The following RET variants were observed in gnomAD, a reference collection of about 807,000 sequenced individuals.
RET encodes the protein ret proto-oncogene.
In RET, 19 loss-of-function variants were observed where a neutral mutation model predicts 118.3. That is an observed-to-expected ratio of 0.16 (90% CI 0.11 to 0.24). The LOEUF is 0.24. Among genes scored for constraint, RET ranks in the 10% least tolerant of loss-of-function variants. The pLI is 1.00. For synonymous variants in RET, 597 were observed against 644.1 expected (o/e 0.93, Z 1.11); for missense variants, 1,219 against 1,502.1 (o/e 0.81, Z 3.12).
intron 1 of RET, among the ~76,000 whole-genome samples, chr10:43,086,281 G>A (rs535767875): frequency 2.2e-4 from 34 of 152,352 alleles, no homozygotes; most frequent in African/African-American, 7.9e-4. Flanking sequence ...AGCGCCCGGA[G>A]CAGACCTGCT....
chr10:43,077,484 T>TGCGGCGG lies in RET; in HGVS notation c.73+164_73+170dup, dbSNP rs1350901005. Among the ~76,000 whole-genome samples the TGCGGCGG allele has an allele frequency of 5.1e-5, 3 of 59,062 alleles. No individual in the cohort carries two copies. The East Asian group carries it at 1.3e-3, about 25-fold the overall frequency. The allele number at this position is 59,062 out of a possible 152,430, so 38.7% of individuals were successfully genotyped here. ...CGGCCTCGGCTGGGAGCGCAGTGGC[T>TGCGGCGG]GCGGCGGGCGGCGGGCGAAGGGCAG... On this transcript the variant is annotated intron_variant, in intron 1 of 19. Coordinates refer to ENST00000355710, the MANE Select transcript of RET (RefSeq NM_020975.6).
In RET at chr10:43,102,246, G is replaced by C. The variant is rs1003198857; in HGVS notation, c.338-96G>C. ...GCCTTGTGGACCTTGGTGGGGACCA[G>C]GGTTTACACCAGCCCTGGAGCTCCT... On this transcript the variant is annotated intron_variant, in intron 2 of 19. Transcript: ENST00000355710. 3 of 1,501,846 alleles carry C rather than the reference G, an allele frequency of 2.0e-6. No homozygotes were observed. In the African/African-American group the frequency reaches 4.1e-5, roughly 21 times the overall value. The allele number at this position is 1,501,846 out of a possible 1,614,324, so 93.0% of individuals were successfully genotyped here.
intron 6 of RET, 129 bp from the exon 7 acceptor site, chr10:43,111,078 G>A (rs373927457): frequency 4.4e-5 from 58 of 1,317,190 alleles, no homozygotes; most frequent in African/African-American, 1.3e-4. Flanking sequence ...CAGGGTGCTC[G>A]GGGGGGCTGC....
chr10:43,112,213 G>A lies in RET; in HGVS notation c.1637G>A (p.Gly546Glu). 1 of 1,555,212 alleles carries A rather than the reference G, an allele frequency of 6.4e-7. No homozygotes were observed. The highest frequency in any genetic ancestry group is 8.7e-7 in the Non-Finnish European group (1 of 1,148,846). Residue 546 changes from glycine (G) to glutamate (E), a missense_variant, in exon 8 of 20, where the codon GGA becomes GAA. Coordinates refer to ENST00000355710, the MANE Select transcript of RET (RefSeq NM_020975.6). Reference sequence around the variant, plus strand: ...ACAGGCAGGTGTGAGTGGAGGCAAGGAGATGGCAAAGGTAAGCCCTGGAAA... The same window carrying A: ...ACAGGCAGGTGTGAGTGGAGGCAAGAAGATGGCAAAGGTAAGCCCTGGAAA... ...SPTGRCEWRQ[G>E]DGKGITRNFS... is the part of the protein sequence containing the mutation.
In RET at chr10:43,114,759, G is replaced by A. The variant is rs765263782; in HGVS notation, c.2136+23G>A. 3 of 1,594,930 alleles carry A rather than the reference G, an allele frequency of 1.9e-6. No individual in the cohort carries two copies. Among genetic ancestry groups the A allele is most frequent in the Admixed American group, 3.4e-5 (2 of 58,458 alleles). On this transcript the variant is annotated intron_variant, in intron 11 of 19. Coordinates refer to ENST00000355710, the MANE Select transcript of RET (RefSeq NM_020975.6). This position sits in a 1 kb window ranked among gnomAD's most constrained non-coding sequence, Gnocchi z 4.6. Reference sequence around the variant, plus strand: ...CTGGTGAGGGTCCCTGCGGGGCAGGGAAGATCCCCTGCCCTCCCCAGCTGC... The same window carrying A: ...CTGGTGAGGGTCCCTGCGGGGCAGGAAAGATCCCCTGCCCTCCCCAGCTGC...
rs764840727 is a variant in RET at position 43,128,764 on chromosome 10, G to C, written c.*495G>C. 1.1e-4 allele frequency: 33 copies of C among 290,380 alleles called. 1 individual carries two copies. Among genetic ancestry groups the C allele is most frequent in the Non-Finnish European group, 2.1e-4 (32 of 152,878 alleles). The allele number at this position is 290,380 out of a possible 1,614,324, so 18.0% of individuals were successfully genotyped here. A position where few individuals can be genotyped will look rare whatever the true frequency, so the allele number is the denominator to read the frequency against. ...CTTATTCAGAATGAGAGACTGCGGG[G>C]GGGGCCTGGGGGTAGTGTCAATGCC... On this transcript the variant is annotated 3_prime_UTR_variant, in exon 20 of 20. Transcript: ENST00000355710.
chr10:43,094,169 A>G (rs1179498341), intron 1 of RET, among the ~76,000 whole-genome samples: 1 of 151,966 alleles, frequency 6.6e-6, no homozygotes, highest in Non-Finnish European at 1.5e-5. Flanking sequence ...GGACCCCCAT[A>G]GGGACAGCTG....
chr10:43,099,112 G>A (rs1243028865), intron 1 of RET, among the ~76,000 whole-genome samples: 1 of 152,138 alleles, frequency 6.6e-6, no homozygotes, highest in Non-Finnish European at 1.5e-5. Context: ...CCCTGCTTGG[G>A]CTCACTCAGC....
chr10:43,110,635 G>A (rs1056287895), intron 6 of RET, among the ~76,000 whole-genome samples: 2 of 152,140 alleles, frequency 1.3e-5, no homozygotes, highest in African/African-American at 4.8e-5. Flanking sequence ...TTTCCCAGAG[G>A]CTCTGCTCAA....
chr10:43,107,723 G>C (rs1243162113), intron 5 of RET, among the ~76,000 whole-genome samples: 1 of 152,148 alleles, frequency 6.6e-6, no homozygotes, highest in Non-Finnish European at 1.5e-5. Flanking sequence ...GTGGTCCCCA[G>C]GTCCAAGGTG....
chr10:43,124,382 T>G (rs1838285197), intron 17 of RET, among the ~76,000 whole-genome samples: 1 of 152,048 alleles, frequency 6.6e-6, no homozygotes, highest in African/African-American at 2.4e-5. Context: ...CCCCAGCTGG[T>G]GGCCAGCTGG....
At position 43,109,121 on chromosome 10, in the gene RET, G is replaced by A. The variant is rs906695652; in HGVS notation, c.1154G>A (p.Gly385Glu). 1.2e-6 allele frequency: 2 copies of A among 1,613,820 alleles called. No individual in the cohort carries two copies. The highest frequency in any genetic ancestry group is 1.3e-5 in the African/African-American group (1 of 74,932). ...AATGACTCAGACTTCCAGGGCCCAG[G>A]AGCGGGCGTCCTCTTGCTCCACTTC... Reference protein sequence around the residue: ...LVNDSDFQGPGAGVLLLHFNV... With the variant: ...LVNDSDFQGPEAGVLLLHFNV... Residue 385 changes from glycine to glutamate, a missense_variant, in exon 6 of 20, where the codon GGA (glycine) becomes GAA (glutamate). Physicochemically the swap from Gly to Glu is moderately conservative, Grantham distance 98. Transcript: ENST00000355710.
intron 1 of RET, among the ~76,000 whole-genome samples, chr10:43,096,807 C>T (rs931269412): frequency 2.0e-5 from 3 of 152,190 alleles, no homozygotes; most frequent in African/African-American, 7.2e-5. Flanking sequence ...TTAAACCAAG[C>T]GTGAGACCTC....
rs3026748 is a variant in RET at position 43,111,773 on chromosome 10, C to G, written c.1522+308C>G. On this transcript the variant is annotated intron_variant, in intron 7 of 19. Transcript: ENST00000355710. ...CCATCCATGCCCTCTTAGGAACATG[C>G]TGACACAGCTGCCATTCATGCCATT... Among the ~76,000 whole-genome samples the G allele has an allele frequency of 0.031, 4,761 of 152,344 alleles. 95 individuals carry two copies. The highest frequency in any genetic ancestry group is 0.046 in the Non-Finnish European group (3,099 of 68,008).
chr10:43,088,874 C>T (rs1329657813), intron 1 of RET, among the ~76,000 whole-genome samples: 1 of 152,340 alleles, frequency 6.6e-6, no homozygotes, highest in African/African-American at 2.4e-5. Context: ...TCACCTCCGG[C>T]CCTGTGCTGT....
chr10:43,091,398 G>A (rs1207267358), intron 1 of RET, among the ~76,000 whole-genome samples: 1 of 152,106 alleles, frequency 6.6e-6, no homozygotes, highest in East Asian at 1.9e-4. Flanking sequence ...GGAGGCTCAC[G>A]CAGGCAGATC....
At chr10:43,092,315 G>A (rs1410854069) in intron 1 of RET, among the ~76,000 whole-genome samples, 1 of 152,188 alleles carries the variant, frequency 6.6e-6, no homozygotes, top group African/African-American at 2.4e-5. Context: ...AACTGGGAGA[G>A]GAGAGGAGGG....
rs1055044570 is a variant in RET, at chr10:43,128,672, A to G, written c.*403A>G. On this transcript the variant is annotated 3_prime_UTR_variant, in exon 20 of 20. Coordinates refer to ENST00000355710, the MANE Select transcript of RET (RefSeq NM_020975.6). ...TCTAGTTGCCGCCAAACAAGGCAAA[A>G]AAATTTAAACATGAAGCACACACAC... is the stretch of plus-strand genomic sequence containing the variant. 5.0e-6 allele frequency: 2 copies of G among 396,072 alleles called. No homozygotes were observed. The highest frequency in any genetic ancestry group is 9.4e-6 in the Non-Finnish European group (2 of 211,864). 24.5% of individuals were successfully genotyped at this position (396,072 alleles called of 1,614,324 possible).
intron 15 of RET, among the ~76,000 whole-genome samples, chr10:43,121,260 C>T (rs1167206817): frequency 6.6e-6 from 1 of 152,208 alleles, no homozygotes; most frequent in Non-Finnish European, 1.5e-5. Context: ...GGACATAAAT[C>T]CCTCATGTGT....
Sources: allele counts gnomAD v4.1 joint callset (sites outside exome capture counted in the v4.1 genomes callset), GRCh38; gene constraint gnomAD v4.1.1; non-coding constraint Gnocchi (gnomAD v3.1); transcripts MANE v1.5; gene names NCBI Gene and HGNC (gene_info 2026-07-23, HGNC 2026-07-21).